IQGAP2: variants seen among roughly 807,000 people sequenced by gnomAD.
IQGAP2 encodes ras GTPase-activating-like protein IQGAP2.
A neutral mutation model predicts 201.3 loss-of-function variants in IQGAP2; 173 were observed. The ratio of observed to expected loss-of-function variants is 0.86; its 90% CI spans 0.76 to 0.98. The LOEUF (loss-of-function observed/expected upper bound fraction) is 0.98. Among genes scored for constraint, IQGAP2 ranks in the 50% least tolerant of loss-of-function variants. The pLI, the probability that IQGAP2 is intolerant of heterozygous loss-of-function variation, is 0.00. For missense variants in IQGAP2, 1,687 were observed against 1,864.8 expected, an observed-to-expected ratio of 0.90 and a Z score of 1.76; for synonymous variants, 675 against 673.9, an observed-to-expected ratio of 1.00 and a Z score of -0.03.
At position 76,618,451 on chromosome 5, in the gene IQGAP2, C is replaced by G. The variant is rs376889876; in HGVS notation, c.1521+7268C>G. 5.6e-6 allele frequency: 9 copies of G among 1,614,016 alleles called. No homozygotes were observed. The African/African-American group carries it at 1.2e-4, about 22-fold the overall frequency. ...GTACTTAAGGAGCTGGTCAGGTACCCCATGGTAGCATTTTTCACATGGAGA... is the reference window on the plus strand; with the variant it reads ...GTACTTAAGGAGCTGGTCAGGTACCGCATGGTAGCATTTTTCACATGGAGA... On this transcript the variant is annotated intron_variant, in intron 13 of 35. Transcript: ENST00000274364.
chr5:76,474,673 A>G (rs1194859786), intron 2 of IQGAP2, among the ~76,000 whole-genome samples: 1 of 152,066 alleles, frequency 6.6e-6, no homozygotes, highest in Non-Finnish European at 1.5e-5. Flanking sequence ...CATCTGGGAG[A>G]GTGACTTAGG....
intron 1 of IQGAP2, among the ~76,000 whole-genome samples, chr5:76,443,526 G>C (rs1753177740): frequency 6.6e-6 from 1 of 151,106 alleles, no homozygotes; most frequent in Non-Finnish European, 1.5e-5. Flanking sequence ...TATATTAAGA[G>C]AGTATGAGTT....
intron 18 of IQGAP2, among the ~76,000 whole-genome samples, chr5:76,653,789 A>G (rs1218942492): frequency 6.6e-6 from 1 of 152,116 alleles, no homozygotes; most frequent in Non-Finnish European, 1.5e-5. Context: ...TCCTGTAAAA[A>G]CTTAAAGGAT....
chr5:76,702,459 T>C, intron 34 of IQGAP2, 23 bp from the exon 35 acceptor site: 1 of 1,066,172 alleles, frequency 9.4e-7, no homozygotes, highest in Non-Finnish European at 1.5e-6. Context: ...ATTTCTCATG[T>C]ATGAATGTTC....
chr5:76,586,446 G>A (rs562087004), intron 5 of IQGAP2, among the ~76,000 whole-genome samples: 50 of 152,086 alleles, frequency 3.3e-4, no homozygotes, highest in Middle Eastern at 3.4e-3. Context: ...TTTAAAATTC[G>A]AACATTCATT....
intron 2 of IQGAP2, among the ~76,000 whole-genome samples, chr5:76,496,704 CTT>C (rs1202258844): frequency 1.9e-4 from 4 of 20,954 alleles, no homozygotes; most frequent in South Asian, 1.4e-3. Context: ...CTTTCTGTCT[CTT>C]TCTTTCTTTC....
intron 2 of IQGAP2, among the ~76,000 whole-genome samples, chr5:76,482,767 T>A (rs1755865676): frequency 6.6e-6 from 1 of 152,216 alleles, no homozygotes; most frequent in East Asian, 1.9e-4. Context: ...TCAGGCTCAA[T>A]GTAGCCTTGA....
chr5:76,631,952 ATGACATAATCCCGGAGTGTGC>A lies in IQGAP2; in HGVS notation c.1712_1732del (p.Ile571_Asp577del). ...TTGAAGTCTTCCACTTCTAATGCAAATGACATAATCCCGGAGTGTGCTGACAAATACTATGATGCCCTTGTG... is the reference window on the plus strand; with the variant it reads ...TTGAAGTCTTCCACTTCTAATGCAAATGACAAATACTATGATGCCCTTGTG... On this transcript the variant is annotated inframe_deletion, in exon 15 of 36. Coordinates refer to ENST00000274364, the MANE Select transcript of IQGAP2 (RefSeq NM_006633.5). The A allele has an allele frequency of 6.2e-7, 1 of 1,612,980 alleles. No homozygotes were observed. Among genetic ancestry groups the A allele is most frequent in the Non-Finnish European group, 8.5e-7 (1 of 1,179,270 alleles).
At chr5:76,643,335 A>G (rs1334570374) in intron 17 of IQGAP2, among the ~76,000 whole-genome samples, 5 of 152,262 alleles carry the variant, frequency 3.3e-5, no homozygotes, top group Non-Finnish European at 7.3e-5. Flanking sequence ...ATTGGAGCAG[A>G]CACAAAAAAC....
chr5:76,524,110 G>T (rs1758841585), intron 2 of IQGAP2, among the ~76,000 whole-genome samples: 1 of 152,128 alleles, frequency 6.6e-6, no homozygotes, highest in Non-Finnish European at 1.5e-5. Flanking sequence ...TTAGGAGAAG[G>T]CCCCCCAGTT....
chr5:76,703,296 C>T (rs529821152), intron 35 of IQGAP2, among the ~76,000 whole-genome samples: 1 of 152,224 alleles, frequency 6.6e-6, no homozygotes, highest in East Asian at 1.9e-4. Flanking sequence ...ACTGGTACTA[C>T]AGGCACACAC....
chr5:76,462,103 CT>C (rs1477125876), intron 2 of IQGAP2, among the ~76,000 whole-genome samples: 4 of 152,356 alleles, frequency 2.6e-5, no homozygotes, highest in Admixed American at 2.0e-4. Context: ...ATTCATTTCC[CT>C]GCCTCGGAGC....
chr5:76,645,351 T>G (rs1470959050), intron 17 of IQGAP2, among the ~76,000 whole-genome samples: 3 of 152,234 alleles, frequency 2.0e-5, no homozygotes, highest in Non-Finnish European at 2.9e-5. Context: ...TTATATCCTT[T>G]GGGTACATAC....
rs1210087496 is a variant in IQGAP2, at chr5:76,674,651, G to GA, written c.3473dup (p.Asn1158LysfsTer2). On this transcript the variant is annotated frameshift_variant, in exon 27 of 36. Coordinates refer to ENST00000274364, the MANE Select transcript of IQGAP2 (RefSeq NM_006633.5). LOFTEE classifies it high-confidence loss of function. ...AGCCTCCAACAAGCTGTTTGAAGGA[G>GA]AAAATGAGCATCTCTCATCTATGAA... 3.7e-6 allele frequency: 6 copies of GA among 1,613,998 alleles called. No homozygotes were observed.
chr5:76,565,928 C>T (rs1003646259), intron 3 of IQGAP2, among the ~76,000 whole-genome samples: 4 of 152,090 alleles, frequency 2.6e-5, no homozygotes, highest in African/African-American at 2.4e-5. Context: ...ACCCAGGAAG[C>T]GGTACTCTTA....
intron 21 of IQGAP2, among the ~76,000 whole-genome samples, chr5:76,660,733 C>T (rs3797439): frequency 0.015 from 2,224 of 152,094 alleles, 66 homozygotes; most frequent in East Asian, 0.12. Flanking sequence ...CATTTTTTAG[C>T]GGTTAAATTA....
intron 30 of IQGAP2, among the ~76,000 whole-genome samples, chr5:76,688,833 T>G (rs1746008754): frequency 1.3e-5 from 2 of 152,156 alleles, no homozygotes; most frequent in Admixed American, 1.3e-4. Flanking sequence ...TGGAGGTTAT[T>G]ATCAGTATTT....
intron 2 of IQGAP2, among the ~76,000 whole-genome samples, chr5:76,489,011 G>C (rs980062709): frequency 1.3e-5 from 2 of 152,166 alleles, no homozygotes; most frequent in Non-Finnish European, 2.9e-5. Context: ...AGGGTCACAC[G>C]ACTGGAAAAG....
intron 2 of IQGAP2, among the ~76,000 whole-genome samples, chr5:76,496,454 G>A (rs1376910608): frequency 2.0e-5 from 3 of 152,188 alleles, no homozygotes; most frequent in African/African-American, 7.2e-5. Flanking sequence ...GCACAAGTCT[G>A]CCAGTAAGAC....
Sources: gnomAD v4.1 joint callset for allele counts (sites outside exome capture counted in the v4.1 genomes callset) on GRCh38, gnomAD v4.1.1 for gene constraint, MANE v1.5 for transcripts, NCBI Gene and HGNC (gene_info 2026-07-23, HGNC 2026-07-21) for gene names.